TSBP1: variants seen among roughly 807,000 people sequenced by gnomAD.
TSBP1 encodes the protein testis expressed basic protein 1, also known as testis-expressed basic protein 1.
TSBP1 carries 56 observed loss-of-function variants against 68.8 expected under a neutral mutation model. That is an observed-to-expected ratio of 0.81 (90% confidence interval 0.66 to 1.02). TSBP1 has a LOEUF of 1.02. Among genes scored for constraint, TSBP1 ranks in the 50% least tolerant of loss-of-function variants. The pLI is 0.00. For synonymous variants in TSBP1, 171 were observed against 208.7 expected (o/e 0.82, Z 1.56); for missense variants, 502 against 641.2 (o/e 0.78, Z 2.34).
At chr6:32,299,776 G>T in intron 22 of TSBP1, 146 bp downstream of exon 25, 1 of 685,024 alleles carries the variant, frequency 1.5e-6, no homozygotes, top group East Asian at 2.6e-5. Context: ...GAGGGCGGGG[G>T]GGAACCTTGG....
chr6:32,318,993 G>A (rs748164935), intron 18 of TSBP1, among the ~76,000 whole-genome samples: 31 of 152,304 alleles, frequency 2.0e-4, no homozygotes, highest in Non-Finnish European at 3.8e-4. Context: ...TTAAGGGACA[G>A]AGAGGAGATA....
At chr6:32,324,377 G>T in intron 16 of TSBP1, 1 of 589,126 alleles carries the variant, frequency 1.7e-6, no homozygotes, top group Non-Finnish European at 3.1e-6. Context: ...TTGTTGATGG[G>T]CTTTGAAATT....
In TSBP1 at chr6:32,366,260, T is replaced by C; in HGVS notation, c.196+13A>G. Reference sequence around the variant, plus strand: ...GACTCCTATATTAATTTCTTAGCAATACAATAATTTACCACTTTGTGTTGA... The same window carrying C: ...GACTCCTATATTAATTTCTTAGCAACACAATAATTTACCACTTTGTGTTGA... On this transcript the variant is annotated intron_variant, in intron 5 of 22. Coordinates refer to ENST00000612031, the Ensembl canonical transcript of TSBP1. The C allele has an allele frequency of 6.3e-7, 1 of 1,594,792 alleles. No individual in the cohort carries two copies. Among genetic ancestry groups the C allele is most frequent in the East Asian group, 2.2e-5 (1 of 44,716 alleles).
Position 32,316,345 on chromosome 6 carries a change from T to C in TSBP1, c.560-553A>G. On this transcript the variant is annotated intron_variant, in intron 18 of 22. Coordinates refer to ENST00000612031, the Ensembl canonical transcript of TSBP1. This position sits in a 1 kb window ranked among gnomAD's most constrained non-coding sequence, Gnocchi z 4.5. Reference sequence around the variant, plus strand: ...ACAAATCACTTTGACAGAAGTGAAGTGAAGGGGACCAAAGAGAACCAAAGT... The same window carrying C: ...ACAAATCACTTTGACAGAAGTGAAGCGAAGGGGACCAAAGAGAACCAAAGT... 2.0e-6 allele frequency: 3 copies of C among 1,500,822 alleles called. No individual in the cohort carries two copies. The highest frequency in any genetic ancestry group is 2.7e-6 in the Non-Finnish European group (3 of 1,094,660). The allele number at this position is 1,500,822 out of a possible 1,614,324, so 93.0% of individuals were successfully genotyped here.
At chr6:32,360,400 GTA>G (rs894100199) in intron 6 of TSBP1, among the ~76,000 whole-genome samples, 2 of 138,278 alleles carry the variant, frequency 1.4e-5, no homozygotes, top group African/African-American at 5.3e-5. Context: ...GTGTGTGTGT[GTA>G]TGTGTGTGTG....
chr6:32,322,567 A>G, intron 18 of TSBP1, 61 bp from the exon 20 acceptor site: 1 of 1,280,966 alleles, frequency 7.8e-7, no homozygotes, highest in Non-Finnish European at 1.1e-6. Context: ...ACATAGTATT[A>G]TCTAATATAT....
chr6:32,345,601 A>T lies in TSBP1; in HGVS notation c.349+4139T>A, dbSNP rs145201933. ...TATCTACTTTCTAGGATTATTATGA[A>T]GAAAAAATGTTTAGGACAGAGCCTG... On this transcript the variant is annotated intron_variant, in intron 9 of 22. Transcript: ENST00000612031. Among the ~76,000 whole-genome samples, 20 of 152,192 alleles carry T rather than the reference A, an allele frequency of 1.3e-4. No individual in the cohort carries two copies. The East Asian group carries it at 3.7e-3, about 28-fold the overall frequency.
intron 14 of TSBP1, 74 bp from the exon 16 acceptor site, chr6:32,332,128 A>G (rs1769103411): frequency 8.5e-7 from 1 of 1,174,090 alleles, no homozygotes; most frequent in African/African-American, 1.5e-5. Flanking sequence ...TTATCCTAGA[A>G]GTGAGGCTTT....
chr6:32,324,806 C>G (rs1768041255), intron 16 of TSBP1: 9 of 1,308,482 alleles, frequency 6.9e-6, no homozygotes, highest in Non-Finnish European at 8.3e-6. Context: ...ATCAAAGGCA[C>G]TAGAAATTTC....
rs1395416037 is a variant in TSBP1, at chr6:32,299,557, C to A, written c.637+365G>T. The stretch of plus-strand genomic sequence containing the variant: ...TTCTTTTTCAGAGCCTAGAAGATGG[C>A]CAGAGATTGTGGCACCCTTTCATAT... On this transcript the variant is annotated intron_variant, in intron 22 of 22. Coordinates refer to ENST00000612031, the Ensembl canonical transcript of TSBP1. Among the ~76,000 whole-genome samples, 4 of 152,168 alleles carry A rather than the reference C, an allele frequency of 2.6e-5. 1 individual carries two copies. The highest frequency in any genetic ancestry group is 9.7e-5 in the African/African-American group (4 of 41,440).
At chr6:32,367,052 C>CGTGTGTGTGT (rs3038518) in intron 4 of TSBP1, among the ~76,000 whole-genome samples, 12,499 of 148,372 alleles carry the variant, frequency 0.084, 669 homozygotes, top group East Asian at 0.17. Context: ...ATGCTTGTAG[C>CGTGTGTGTGT]GTGTGTGTGT....
Position 32,302,325 on chromosome 6 carries a change from CA to C in TSBP1, c.601+283del, listed in dbSNP as rs1410205442. On this transcript the variant is annotated intron_variant, in intron 20 of 22. Coordinates refer to ENST00000612031, the Ensembl canonical transcript of TSBP1. The surrounding 1 kb of genome is among the most constrained non-coding windows in gnomAD (Gnocchi z 5.1). ...AAAAAGTTAGCCAAGCATGGTGGCA[CA>C]CATCTGTAGTCCCAGCTACTCAGGA... Among the ~76,000 whole-genome samples, 1 of 151,926 alleles carries C rather than the reference CA, an allele frequency of 6.6e-6. No homozygotes were observed. The highest frequency in any genetic ancestry group is 1.5e-5 in the Non-Finnish European group (1 of 67,968).
At chr6:32,352,095 G>T (rs1771775452) in intron 8 of TSBP1, among the ~76,000 whole-genome samples, 1 of 151,932 alleles carries the variant, frequency 6.6e-6, no homozygotes, top group Non-Finnish European at 1.5e-5. Flanking sequence ...TCACATACAT[G>T]TAGAGTTTAA....
At position 32,323,581 on chromosome 6, in the gene TSBP1, T is replaced by G. The variant is rs1013025599; in HGVS notation, c.538+10A>C. On this transcript the variant is annotated intron_variant, in intron 17 of 22. Coordinates refer to ENST00000612031, the Ensembl canonical transcript of TSBP1. The stretch of plus-strand genomic sequence containing the variant: ...CAACAGAAAAGAGTAGAAAAAGAAA[T>G]TGAACTTACCGCGGGGTGCTGAAGG... 2 of 1,611,562 alleles carry G rather than the reference T, an allele frequency of 1.2e-6. No individual in the cohort carries two copies. The highest frequency in any genetic ancestry group is 1.7e-6 in the Non-Finnish European group (2 of 1,179,006).
chr6:32,362,700 C>A (rs3129912), intron 6 of TSBP1, among the ~76,000 whole-genome samples: 116,949 of 152,170 alleles, frequency 0.77, 45,228 homozygotes, highest in South Asian at 0.9. Flanking sequence ...TTGGTGTCAT[C>A]TAAAACAACT....
rs995878018 is a variant in TSBP1, at chr6:32,355,497, T to C, written c.238+152A>G. The C allele has an allele frequency of 1.6e-5, 16 of 977,048 alleles. No individual in the cohort carries two copies. In the African/African-American group the frequency reaches 2.7e-4, roughly 16 times the overall value. 60.5% of individuals were successfully genotyped at this position (977,048 alleles called of 1,614,324 possible). Reference sequence around the variant, plus strand: ...TTTTCCTTTTCTCCCAGCCAGATCATTCTAAACCAGCACTAGAAAACTTTA... The same window carrying C: ...TTTTCCTTTTCTCCCAGCCAGATCACTCTAAACCAGCACTAGAAAACTTTA... On this transcript the variant is annotated intron_variant, in intron 7 of 22. Coordinates refer to ENST00000612031, the Ensembl canonical transcript of TSBP1.
intron 18 of TSBP1, among the ~76,000 whole-genome samples, chr6:32,318,916 A>G (rs1226634957): frequency 2.6e-5 from 4 of 152,218 alleles, no homozygotes; most frequent in African/African-American, 9.6e-5. Context: ...TCATATGTGA[A>G]TATCATCTCA....
exon 23 of TSBP1, chr6:32,293,782 G>A (rs373884140): frequency 3.5e-5 from 56 of 1,612,764 alleles, no homozygotes; most frequent in Non-Finnish European, 4.0e-5. Context: ...GTATTCCAGC[G>A]TCACTGTCTA....
chr6:32,366,180 T>C (rs1773686565), exon 6 of TSBP1: 1 of 1,600,350 alleles, frequency 6.2e-7, no homozygotes, highest in African/African-American at 1.3e-5. Flanking sequence ...GGTTATCATA[T>C]GAAGTGTCTA....
Sources: allele counts gnomAD v4.1 joint callset (sites outside exome capture counted in the v4.1 genomes callset), GRCh38; gene constraint gnomAD v4.1.1; non-coding constraint Gnocchi (gnomAD v3.1); transcripts MANE v1.5; gene names NCBI Gene and HGNC (gene_info 2026-07-23, HGNC 2026-07-21).